CACNA1E: variants seen among roughly 807,000 people sequenced by gnomAD.
CACNA1E encodes the protein voltage-dependent R-type calcium channel subunit alpha-1E.
A neutral mutation model predicts 259.2 loss-of-function variants in CACNA1E; 40 were observed. The observed-to-expected ratio is 0.15, with a 90% CI of 0.12 to 0.20. The LOEUF (loss-of-function observed/expected upper bound fraction) is 0.20. Ranked by LOEUF, CACNA1E falls within the 10% of genes least tolerant of loss-of-function variation. The pLI is 1.00. For missense variants in CACNA1E, 1,874 were observed against 3,040.1 expected (o/e 0.62, Z 9.02); for synonymous variants, 1,104 against 1,138.5 (o/e 0.97, Z 0.61).
intron 3 of CACNA1E, among the ~76,000 whole-genome samples, chr1:181,542,647 C>T (rs1238390639): frequency 6.6e-6 from 1 of 151,940 alleles, no homozygotes; most frequent in African/African-American, 2.4e-5. Flanking sequence ...TCCCCTTTGC[C>T]ATGATTCTAA....
chr1:181,657,095 A>G (rs1446591906), intron 7 of CACNA1E, among the ~76,000 whole-genome samples: 2 of 152,236 alleles, frequency 1.3e-5, no homozygotes, highest in African/African-American at 4.8e-5. Context: ...ACACAAAAAA[A>G]CACTCTAAGC....
intron 3 of CACNA1E, among the ~76,000 whole-genome samples, chr1:181,573,018 C>T (rs1650571786): frequency 6.6e-6 from 1 of 152,150 alleles, no homozygotes; most frequent in South Asian, 2.1e-4. Flanking sequence ...GCAAACATTA[C>T]ACAGCGTAAT....
chr1:181,510,603 T>G, intron 2 of CACNA1E, 21 bp downstream of exon 2: 2 of 1,459,934 alleles, frequency 1.4e-6, no homozygotes, highest in African/African-American at 1.4e-5. Flanking sequence ...CCCCTCCTTC[T>G]CCCCTTTGCC....
Position 181,776,046 on chromosome 1 carries a change from T to C in CACNA1E, c.5140-55T>C. The C allele has an allele frequency of 6.4e-7, 1 of 1,554,630 alleles. No individual in the cohort carries two copies. The highest frequency in any genetic ancestry group is 8.8e-7 in the Non-Finnish European group (1 of 1,141,884). ...ATGCCCTGAAGCCTGTTCTTCTGCT[T>C]CCTGAGCTCTGCTTTAGGTTTCCCC... On this transcript the variant is annotated intron_variant, in intron 37 of 47. Transcript: ENST00000367573. This position sits in a 1 kb window ranked among gnomAD's most constrained non-coding sequence, Gnocchi z 4.4.
intron 44 of CACNA1E, among the ~76,000 whole-genome samples, chr1:181,792,215 C>G (rs951269996): frequency 1.3e-5 from 2 of 152,214 alleles, no homozygotes; most frequent in African/African-American, 4.8e-5. Flanking sequence ...TCCTTTCTTT[C>G]ACAGGGAGAC....
chr1:181,505,587 G>A (rs1294377216), intron 1 of CACNA1E, among the ~76,000 whole-genome samples: 2 of 151,980 alleles, frequency 1.3e-5, no homozygotes, highest in Non-Finnish European at 2.9e-5. Context: ...TGTTAGCCAG[G>A]ATGATCTTGA....
chr1:181,512,248 C>A (rs575115589), intron 3 of CACNA1E, among the ~76,000 whole-genome samples: 6 of 152,196 alleles, frequency 3.9e-5, no homozygotes, highest in Non-Finnish European at 5.9e-5. Context: ...AATGGTGTGA[C>A]GGGCAGGCCT....
At position 181,751,883 on chromosome 1, in the gene CACNA1E, C is replaced by G. The variant is rs771794514; in HGVS notation, c.3732-260C>G. 241 of 613,804 alleles carry G rather than the reference C, an allele frequency of 3.9e-4. 4 individuals are homozygous for G. In the Middle Eastern group the frequency reaches 7.1e-3, roughly 18 times the overall value. 38.0% of individuals were successfully genotyped at this position (613,804 alleles called of 1,614,324 possible). A position where few individuals can be genotyped will look rare whatever the true frequency, so the allele number is the denominator to read the frequency against. ...TGCCTCTGTGTGCCTGTATGTTCCT[C>G]TGTGTGTGTATATATGAGTGTGTAC... On this transcript the variant is annotated intron_variant, in intron 26 of 47. Transcript: ENST00000367573.
intron 6 of CACNA1E, among the ~76,000 whole-genome samples, chr1:181,582,929 A>C (rs1012450119): frequency 2.6e-5 from 4 of 152,256 alleles, no homozygotes; most frequent in South Asian, 4.1e-4. Flanking sequence ...CTTTTATTGC[A>C]TGGGTGTCCA....
At chr1:181,568,689 G>A (rs1487665113) in intron 3 of CACNA1E, among the ~76,000 whole-genome samples, 1 of 152,116 alleles carries the variant, frequency 6.6e-6, no homozygotes, top group African/African-American at 2.4e-5. Context: ...TCTATCTCCT[G>A]GGGTTGTGAT....
intron 3 of CACNA1E, among the ~76,000 whole-genome samples, chr1:181,548,285 CCAGCTAATTTTTGT>C (rs1185215411): frequency 6.6e-6 from 1 of 151,916 alleles, no homozygotes; most frequent in Non-Finnish European, 1.5e-5. Flanking sequence ...CCACTACCAC[CCAGCTAATTTTTGT>C]GTTTTTAGTA....
intron 2 of CACNA1E, among the ~76,000 whole-genome samples, chr1:181,419,566 C>A (rs992326032): frequency 6.6e-6 from 1 of 152,226 alleles, no homozygotes. Context: ...AACACACACA[C>A]ATACATACAA....
intron 1 of CACNA1E, among the ~76,000 whole-genome samples, chr1:181,319,060 A>G (rs1184223330): frequency 6.6e-6 from 1 of 152,088 alleles, no homozygotes; most frequent in East Asian, 1.9e-4. Context: ...TGCGCAGAGG[A>G]CTGAGGTCAC....
chr1:181,684,735 G>A (rs1336314434), intron 7 of CACNA1E, among the ~76,000 whole-genome samples: 1 of 152,068 alleles, frequency 6.6e-6, no homozygotes, highest in Non-Finnish European at 1.5e-5. Flanking sequence ...TGAATATGGA[G>A]TCTTTCCCTA....
At chr1:181,633,725 C>T (rs1656957643) in intron 6 of CACNA1E, among the ~76,000 whole-genome samples, 1 of 152,136 alleles carries the variant, frequency 6.6e-6, no homozygotes. Flanking sequence ...ATCCTGACCT[C>T]AAGTAATCTG....
chr1:181,602,004 G>A (rs1438717571), intron 6 of CACNA1E, among the ~76,000 whole-genome samples: 1 of 151,930 alleles, frequency 6.6e-6, no homozygotes, highest in Admixed American at 6.5e-5. Context: ...ATTCTTCCCA[G>A]TTATCAGGGT....
chr1:181,472,244 A>G (rs886487447), intron 2 of CACNA1E, among the ~76,000 whole-genome samples: 1 of 151,368 alleles, frequency 6.6e-6, no homozygotes, highest in Non-Finnish European at 1.5e-5. Flanking sequence ...AGGAGGAAGT[A>G]GGGAGACGTA....
chr1:181,354,359 T>A (rs188810317), intron 1 of CACNA1E, among the ~76,000 whole-genome samples: 1 of 152,240 alleles, frequency 6.6e-6, no homozygotes, highest in African/African-American at 2.4e-5. Flanking sequence ...GGAGAAAATC[T>A]GGGGCTGAGG....
chr1:181,627,578 A>C (rs1248145460), intron 6 of CACNA1E, among the ~76,000 whole-genome samples: 1 of 152,200 alleles, frequency 6.6e-6, no homozygotes, highest in East Asian at 1.9e-4. Flanking sequence ...CCATGAGAAC[A>C]GTGTGTTGGG....
Sources: gnomAD v4.1 joint callset for allele counts (sites outside exome capture counted in the v4.1 genomes callset) on GRCh38, gnomAD v4.1.1 for gene constraint, Gnocchi (gnomAD v3.1) non-coding constraint, MANE v1.5 for transcripts, NCBI Gene and HGNC (gene_info 2026-07-23, HGNC 2026-07-21) for gene names.